The following CNTLN variants were observed in gnomAD, a reference collection of about 807,000 sequenced individuals.
CNTLN encodes the protein centlein, centrosomal protein.
Under a neutral mutation model 180.0 loss-of-function variants are expected in CNTLN, and 212 were observed. That is an observed-to-expected ratio of 1.18 (90% CI 1.05 to 1.32). The LOEUF is 1.32. CNTLN is among the 40% of genes most tolerant of loss of function. The pLI is 0.00. For synonymous variants in CNTLN, 722 were observed against 563.1 expected (o/e 1.28, Z -3.99); for missense variants, 2,095 against 1,610.9 (o/e 1.30, Z -5.14).
chr9:17,179,304 G>A (rs1164929261), intron 2 of CNTLN, among the ~76,000 whole-genome samples: 1 of 145,940 alleles, frequency 6.9e-6, no homozygotes, highest in Non-Finnish European at 1.5e-5. Flanking sequence ...TTCCTGTTTT[G>A]TAACGTACAC....
chr9:17,221,326 G>A (rs1824122307), intron 2 of CNTLN, among the ~76,000 whole-genome samples: 1 of 151,800 alleles, frequency 6.6e-6, no homozygotes, highest in Non-Finnish European at 1.5e-5. Context: ...TATATCGATA[G>A]GCAACGCCAA....
At chr9:17,284,650 T>A (rs1248972281) in intron 6 of CNTLN, among the ~76,000 whole-genome samples, 2 of 152,124 alleles carry the variant, frequency 1.3e-5, no homozygotes, top group Non-Finnish European at 2.9e-5. Flanking sequence ...TCTTTTCTCT[T>A]TTCTTATTAG....
At chr9:17,234,118 CTA>C (rs1824988057) in intron 3 of CNTLN, among the ~76,000 whole-genome samples, 1 of 151,934 alleles carries the variant, frequency 6.6e-6, no homozygotes, top group South Asian at 2.1e-4. Context: ...TATTTTTTAA[CTA>C]TAAGTAAAAT....
At chr9:17,215,306 A>G (rs891892020) in intron 2 of CNTLN, among the ~76,000 whole-genome samples, 3 of 152,144 alleles carry the variant, frequency 2.0e-5, no homozygotes, top group Non-Finnish European at 2.9e-5. Flanking sequence ...GTTGGAGTTT[A>G]TTGGAGGTCA....
chr9:17,290,197 T>G (rs1157227981), intron 6 of CNTLN, among the ~76,000 whole-genome samples: 1 of 152,142 alleles, frequency 6.6e-6, no homozygotes, highest in Non-Finnish European at 1.5e-5. Context: ...GGTGTGGATG[T>G]CCTTTCTGTT....
At position 17,230,511 on chromosome 9, in the gene CNTLN, C is replaced by G. The variant is rs567901923; in HGVS notation, c.534+4224C>G. On this transcript the variant is annotated intron_variant, in intron 3 of 25. Coordinates refer to ENST00000380647, the MANE Select transcript of CNTLN (RefSeq NM_017738.4). ...TAGTTTTTTGTTTGTTTGTTTCCCC[C>G]CTCCCCTTACCCCCTTAGGAGAGAC... Among the ~76,000 whole-genome samples the G allele has an allele frequency of 3.0e-4, 45 of 151,688 alleles. No individual in the cohort carries two copies. In the South Asian group the frequency reaches 4.4e-3, roughly 15 times the overall value.
intron 8 of CNTLN, among the ~76,000 whole-genome samples, chr9:17,325,697 A>G (rs561099881): frequency 3.3e-5 from 5 of 151,882 alleles, no homozygotes; most frequent in African/African-American, 1.2e-4. Flanking sequence ...AGGCTTTGTT[A>G]TGTGTTGACA....
intron 23 of CNTLN, among the ~76,000 whole-genome samples, chr9:17,470,164 GGGTAT>G (rs1416081268): frequency 1.3e-5 from 2 of 151,882 alleles, no homozygotes. Flanking sequence ...GTTGTCTTCA[GGGTAT>G]TGTTACATAA....
intron 2 of CNTLN, among the ~76,000 whole-genome samples, chr9:17,172,842 C>G (rs1239086831): frequency 6.6e-6 from 1 of 152,104 alleles, no homozygotes; most frequent in Admixed American, 6.6e-5. Context: ...ATCTGACTAG[C>G]CTTTACATCA....
At chr9:17,140,622 G>C (rs1013355735) in intron 1 of CNTLN, among the ~76,000 whole-genome samples, 1 of 151,988 alleles carries the variant, frequency 6.6e-6, no homozygotes, top group Admixed American at 6.6e-5. Context: ...TAAGTTTTTT[G>C]TGGCGATGGG....
At chr9:17,375,578 C>A (rs531325104) in intron 13 of CNTLN, among the ~76,000 whole-genome samples, 225 of 152,186 alleles carry the variant, frequency 1.5e-3, no homozygotes, top group African/African-American at 5.1e-3. Context: ...TTTTATTATT[C>A]ATTGATAAAG....
At chr9:17,443,470 A>AGT (rs1830226913) in intron 18 of CNTLN, among the ~76,000 whole-genome samples, 1 of 152,184 alleles carries the variant, frequency 6.6e-6, no homozygotes, top group African/African-American at 2.4e-5. Context: ...AATGTGAAAT[A>AGT]GTGTCTTTAA....
chr9:17,410,030 A>G (rs981219696), intron 16 of CNTLN, among the ~76,000 whole-genome samples: 1 of 152,160 alleles, frequency 6.6e-6, no homozygotes, highest in Non-Finnish European at 1.5e-5. Context: ...GAATTAACCT[A>G]TAAGATTCTT....
intron 5 of CNTLN, among the ~76,000 whole-genome samples, chr9:17,255,809 T>C (rs1826446386): frequency 6.6e-6 from 1 of 151,914 alleles, no homozygotes; most frequent in Admixed American, 6.6e-5. Flanking sequence ...GATAGGTTTT[T>C]GATTACTGAT....
At chr9:17,202,597 CTTTG>C (rs1804227585) in intron 2 of CNTLN, among the ~76,000 whole-genome samples, 1 of 127,278 alleles carries the variant, frequency 7.9e-6, no homozygotes. Flanking sequence ...CTTTTTTGAT[CTTTG>C]TTTGTTTAAA....
chr9:17,498,577 C>G (rs1192283947), intron 25 of CNTLN, among the ~76,000 whole-genome samples: 1 of 152,122 alleles, frequency 6.6e-6, no homozygotes, highest in Non-Finnish European at 1.5e-5. Context: ...GTCAGATATC[C>G]CCGTTAAATT....
intron 8 of CNTLN, among the ~76,000 whole-genome samples, chr9:17,313,976 T>C (rs1192162614): frequency 6.6e-6 from 1 of 152,084 alleles, no homozygotes; most frequent in Non-Finnish European, 1.5e-5. Flanking sequence ...TTAGGTGATC[T>C]GCCTGCCTTG....
intron 2 of CNTLN, among the ~76,000 whole-genome samples, chr9:17,152,424 A>G (rs1818954790): frequency 6.6e-6 from 1 of 152,170 alleles, no homozygotes; most frequent in African/African-American, 2.4e-5. Flanking sequence ...TTTACCCAGT[A>G]GTCATTCAGG....
At chr9:17,521,817 T>C in the CNTLN span, among the ~76,000 whole-genome samples, 3 of 152,218 alleles carry the variant, frequency 2.0e-5, no homozygotes, top group South Asian at 6.2e-4. Flanking sequence ...CTTCAACAAG[T>C]CCTGAAAAAT....
Sources: gnomAD v4.1 joint callset for allele counts (sites outside exome capture counted in the v4.1 genomes callset) on GRCh38, gnomAD v4.1.1 for gene constraint, MANE v1.5 for transcripts, NCBI Gene and HGNC (gene_info 2026-07-23, HGNC 2026-07-21) for gene names.